The following LANCL3 variants were observed in gnomAD, a reference collection of about 807,000 sequenced individuals.
LANCL3 encodes lanC-like protein 3.
In LANCL3, 19 loss-of-function variants were observed where a neutral mutation model predicts 26.5. The observed-to-expected ratio is 0.72, with a 90% confidence interval of 0.50 to 1.05. The LOEUF is 1.05. Among genes scored for constraint, LANCL3 ranks in the 50% least tolerant of loss-of-function variants. The pLI, the probability that LANCL3 is intolerant of heterozygous loss-of-function variation, is 0.00. For missense variants in LANCL3, 318 were observed against 362.7 expected, an observed-to-expected ratio of 0.88 and a Z score of 1.00; for synonymous variants, 160 against 166.6, an observed-to-expected ratio of 0.96 and a Z score of 0.30.
chrX:37,655,762 G>A lies in LANCL3; in HGVS notation c.648G>A (p.Lys216=). Residue 216 remains lysine, a synonymous_variant, in exon 2 of 5, where the codon AAG becomes AAA. Coordinates refer to ENST00000378619, the MANE Select transcript of LANCL3 (RefSeq NM_001170331.2). ...LDSGKQYAIK[K]RKPFPLMYSY... ...CTGGGAAGCAGTATGCCATAAAGAA[G>A]AGGAAACCATTCCCCCTGATGTATT... 8.3e-7 allele frequency: 1 copy of A among 1,204,993 alleles called. No homozygotes were observed. The highest frequency in any genetic ancestry group is 1.8e-5 in the South Asian group (1 of 56,515).
chrX:37,576,989 G>A (rs782254020), intron 1 of LANCL3, among the ~76,000 whole-genome samples: 2 of 112,675 alleles, frequency 1.8e-5, no homozygotes, highest in African/African-American at 6.4e-5. Flanking sequence ...AACCATGGAA[G>A]GAGACATGAG....
chrX:37,671,123 G>T (rs1446370642), intron 4 of LANCL3, among the ~76,000 whole-genome samples: 1 of 110,624 alleles, frequency 9.0e-6, no homozygotes, highest in Non-Finnish European at 1.9e-5. Context: ...CTGCCTTAAT[G>T]AACTCCATTA....
At chrX:37,624,552 T>G (rs951248813) in intron 1 of LANCL3, among the ~76,000 whole-genome samples, 1 of 112,092 alleles carries the variant, frequency 8.9e-6, no homozygotes, top group African/African-American at 3.2e-5. Context: ...TTTGTCCATC[T>G]GGAAATTAAT....
chrX:37,590,833 G>A (rs1192488212), intron 1 of LANCL3, among the ~76,000 whole-genome samples: 1 of 111,285 alleles, frequency 9.0e-6, no homozygotes, highest in Non-Finnish European at 1.9e-5. Flanking sequence ...AACACACATC[G>A]CTGGGCTCCA....
chrX:37,670,670 A>G (rs1329436687), intron 4 of LANCL3, among the ~76,000 whole-genome samples: 2 of 110,849 alleles, frequency 1.8e-5, no homozygotes, highest in Non-Finnish European at 3.8e-5. Context: ...TCATTCTCTT[A>G]TTTATTCTTT....
At chrX:37,628,343 G>A (rs1925374185) in intron 1 of LANCL3, among the ~76,000 whole-genome samples, 1 of 110,867 alleles carries the variant, frequency 9.0e-6, no homozygotes, top group Admixed American at 9.6e-5. Flanking sequence ...TGTACTCTTC[G>A]AAAATTTGTC....
At chrX:37,573,419 G>T (rs782670763) in intron 1 of LANCL3, among the ~76,000 whole-genome samples, 1 of 111,890 alleles carries the variant, frequency 8.9e-6, no homozygotes, top group South Asian at 3.8e-4. Flanking sequence ...AAAATTAAAG[G>T]TATATAGAGT....
chrX:37,595,377 A>T (rs1188836526), intron 1 of LANCL3, among the ~76,000 whole-genome samples: 1 of 112,597 alleles, frequency 8.9e-6, no homozygotes, highest in Non-Finnish European at 1.9e-5. Flanking sequence ...AGCTGTTTAC[A>T]TGCTCCTGCT....
At chrX:37,586,625 C>T (rs1421110306) in intron 1 of LANCL3, among the ~76,000 whole-genome samples, 2 of 112,130 alleles carry the variant, frequency 1.8e-5, no homozygotes, top group African/African-American at 3.2e-5. Context: ...ACGTAGTTCT[C>T]GTGCCATGGT....
At chrX:37,622,062 T>C (rs1925178660) in intron 1 of LANCL3, among the ~76,000 whole-genome samples, 1 of 111,586 alleles carries the variant, frequency 9.0e-6, no homozygotes, top group African/African-American at 3.3e-5. Context: ...TCTCTTTTTT[T>C]CTAAGAACCA....
At chrX:37,573,475 AG>A (rs1556416017) in intron 1 of LANCL3, among the ~76,000 whole-genome samples, 1 of 111,974 alleles carries the variant, frequency 8.9e-6, no homozygotes, top group Admixed American at 9.4e-5. Context: ...AGAGGCAGAC[AG>A]GGTTTTTTTT....
intron 1 of LANCL3, among the ~76,000 whole-genome samples, chrX:37,611,640 C>G (rs1556421183): frequency 9.0e-6 from 1 of 111,333 alleles, no homozygotes; most frequent in African/African-American, 3.3e-5. Flanking sequence ...CCCAGGCCGC[C>G]AGCATAACTG....
chrX:37,616,315 A>G (rs1330836431), intron 1 of LANCL3, among the ~76,000 whole-genome samples: 2 of 112,388 alleles, frequency 1.8e-5, no homozygotes, highest in East Asian at 2.8e-4. Context: ...TTCTTGGCTC[A>G]GAGAACTGGA....
intron 1 of LANCL3, among the ~76,000 whole-genome samples, chrX:37,652,526 A>T (rs1556429424): frequency 8.9e-6 from 1 of 112,422 alleles, no homozygotes; most frequent in Non-Finnish European, 1.9e-5. Context: ...GAAATATCTT[A>T]ATTTATTTTA....
chrX:37,630,524 G>T (rs1925463848), intron 1 of LANCL3, among the ~76,000 whole-genome samples: 1 of 105,844 alleles, frequency 9.4e-6, no homozygotes, highest in African/African-American at 3.5e-5. Context: ...TCCCTGTCTT[G>T]TGCCAGTTTT....
intron 1 of LANCL3, among the ~76,000 whole-genome samples, chrX:37,625,278 TC>T (rs1397103150): frequency 1.8e-5 from 2 of 111,821 alleles, no homozygotes; most frequent in Non-Finnish European, 3.8e-5. Flanking sequence ...TTTTTATTTT[TC>T]CTCACTCATG....
At chrX:37,635,366 A>C (rs1203701505) in intron 1 of LANCL3, among the ~76,000 whole-genome samples, 1 of 112,170 alleles carries the variant, frequency 8.9e-6, no homozygotes, top group African/African-American at 3.2e-5. Context: ...GTAAGGACAA[A>C]ATTAACAAAT....
chrX:37,670,590 A>T, intron 4 of LANCL3, among the ~76,000 whole-genome samples: 1 of 111,280 alleles, frequency 9.0e-6, no homozygotes, highest in Non-Finnish European at 1.9e-5. Flanking sequence ...CCATGATTTG[A>T]AATTCCATTT....
Position 37,682,609 on chromosome X carries a change from C to T in LANCL3, c.*6796C>T, listed in dbSNP as rs782419124. The T allele has an allele frequency of 8.9e-6, 1 of 112,242 alleles. No homozygotes were observed. Among genetic ancestry groups the T allele is most frequent in the Admixed American group, 9.4e-5 (1 of 10,623 alleles). The allele number at this position is 112,242 out of a possible 1,213,427, so 9.3% of individuals were successfully genotyped here. On this transcript the variant is annotated 3_prime_UTR_variant, in exon 5 of 5. Coordinates refer to ENST00000378619, the MANE Select transcript of LANCL3 (RefSeq NM_001170331.2). ...GTTACCAATATAATTAATTCTGCTG[C>T]TGAATTTGGTTCATATTGAATGTGG...
Sources: allele counts gnomAD v4.1 joint callset (sites outside exome capture counted in the v4.1 genomes callset), GRCh38; gene constraint gnomAD v4.1.1; transcripts MANE v1.5; gene names NCBI Gene and HGNC (gene_info 2026-07-23, HGNC 2026-07-21).